The following CDH12 variants were observed in gnomAD, a reference collection of about 807,000 sequenced individuals.
The protein encoded by CDH12 is cadherin 12.
In CDH12, 41 loss-of-function variants were observed where a neutral mutation model predicts 74.1. That is an observed-to-expected ratio of 0.55 (90% CI 0.43 to 0.72). The LOEUF (loss-of-function observed/expected upper bound fraction) is 0.72, where lower values mean the gene tolerates loss of function less well. Among genes scored for constraint, CDH12 ranks in the 30% least tolerant of loss-of-function variants. CDH12 has a pLI of 0.00. For missense variants in CDH12, 945 were observed against 977.2 expected, an observed-to-expected ratio of 0.97 and a Z score of 0.44; for synonymous variants, 399 against 355.0, an observed-to-expected ratio of 1.12 and a Z score of -1.39.
Position 22,382,332 on chromosome 5 carries a change from T to C in CDH12, c.-333+22925A>G, listed in dbSNP as rs974481275. Among the ~76,000 whole-genome samples the C allele has an allele frequency of 2.1e-4, 32 of 150,064 alleles. 1 individual carries two copies. Among genetic ancestry groups the C allele is most frequent in the Non-Finnish European group, 1.3e-4 (9 of 67,684 alleles). The stretch of plus-strand genomic sequence containing the variant: ...ATGTCTACATACATATAGAAAAATA[T>C]ATACATATATTTCTCTTGCTATATA... On this transcript the variant is annotated intron_variant, in intron 3 of 14. Transcript: ENST00000382254.
chr5:22,832,359 G>C (rs1432727610), intron 1 of CDH12, among the ~76,000 whole-genome samples: 1 of 152,152 alleles, frequency 6.6e-6, no homozygotes, highest in Non-Finnish European at 1.5e-5. Flanking sequence ...GGGAGGATGG[G>C]AGTAACGGTG....
At chr5:22,193,280 T>A (rs1296195186) in intron 4 of CDH12, among the ~76,000 whole-genome samples, 1 of 152,206 alleles carries the variant, frequency 6.6e-6, no homozygotes, top group African/African-American at 2.4e-5. Flanking sequence ...TTTCTAGGAG[T>A]AAACATGTTC....
intron 3 of CDH12, among the ~76,000 whole-genome samples, chr5:22,399,606 G>T (rs1742626119): frequency 6.6e-6 from 1 of 152,056 alleles, no homozygotes; most frequent in Admixed American, 6.6e-5. Flanking sequence ...CAATGAAAAA[G>T]GTAATTCCTG....
chr5:22,287,444 G>A lies in CDH12; in HGVS notation c.-332-74801C>T, dbSNP rs974994908. Among the ~76,000 whole-genome samples the A allele has an allele frequency of 3.3e-5, 5 of 151,930 alleles. 1 individual carries two copies. The highest frequency in any genetic ancestry group is 3.9e-4 in the East Asian group (2 of 5,180). On this transcript the variant is annotated intron_variant, in intron 3 of 14. Coordinates refer to ENST00000382254, the MANE Select transcript of CDH12 (RefSeq NM_004061.5). The stretch of plus-strand genomic sequence containing the variant: ...ATTAATTTAATAAAATGTATAACAG[G>A]CTGGGCGCGGTGGCTCACGCCTGTA...
intron 6 of CDH12, among the ~76,000 whole-genome samples, chr5:21,939,675 A>G (rs1286252268): frequency 6.6e-6 from 1 of 152,188 alleles, no homozygotes; most frequent in Non-Finnish European, 1.5e-5. Flanking sequence ...TAGTCATTAT[A>G]TGGATAGTCA....
At chr5:22,225,538 T>C (rs1752165934) in intron 3 of CDH12, among the ~76,000 whole-genome samples, 1 of 152,134 alleles carries the variant, frequency 6.6e-6, no homozygotes. Context: ...TCCTACTGTT[T>C]TTCAGAGAAA....
intron 10 of CDH12, among the ~76,000 whole-genome samples, chr5:21,784,042 T>G (rs1561181787): frequency 6.6e-6 from 1 of 152,214 alleles, no homozygotes; most frequent in Non-Finnish European, 1.5e-5. Flanking sequence ...TATTTTGTTA[T>G]GTATTTTGTT....
intron 1 of CDH12, among the ~76,000 whole-genome samples, chr5:22,617,838 G>C (rs1737765595): frequency 1.3e-5 from 2 of 152,040 alleles, no homozygotes; most frequent in Non-Finnish European, 2.9e-5. Flanking sequence ...AAAGACTTCT[G>C]CTGCCCAATG....
chr5:22,604,072 G>A (rs568129191), intron 1 of CDH12, among the ~76,000 whole-genome samples: 24 of 152,316 alleles, frequency 1.6e-4, no homozygotes, highest in South Asian at 1.2e-3. Context: ...CTATAGCAAT[G>A]AGATGGAAGG....
intron 6 of CDH12, chr5:21,884,086 C>T: frequency 2.1e-6 from 3 of 1,427,864 alleles, no homozygotes; most frequent in South Asian, 2.3e-5. Context: ...CAAAATTCCT[C>T]AGAAGTTGGT....
intron 1 of CDH12, among the ~76,000 whole-genome samples, chr5:22,815,513 T>C (rs1749344052): frequency 6.6e-6 from 1 of 151,996 alleles, no homozygotes; most frequent in Non-Finnish European, 1.5e-5. Flanking sequence ...CTCACACCTG[T>C]AATCCCAGCA....
At chr5:22,529,194 G>T (rs879841353) in intron 1 of CDH12, among the ~76,000 whole-genome samples, 6,761 of 60,480 alleles carry the variant, frequency 0.11, 277 homozygotes, top group African/African-American at 0.19. Context: ...TATATAGAGA[G>T]AGAGAGAGAG....
At chr5:22,776,079 T>C (rs2218291) in intron 1 of CDH12, among the ~76,000 whole-genome samples, 130,871 of 152,102 alleles carry the variant, frequency 0.86, 56,413 homozygotes, top group East Asian at 0.99. Flanking sequence ...TCTTTTGCTT[T>C]CCAGTCTCAG....
chr5:22,263,006 C>T (rs890018058), intron 3 of CDH12, among the ~76,000 whole-genome samples: 18 of 151,588 alleles, frequency 1.2e-4, no homozygotes, highest in Middle Eastern at 3.2e-3. Context: ...AAACAAACAA[C>T]CCCATCAAAA....
chr5:21,776,977 C>G (rs760208571), intron 11 of CDH12, among the ~76,000 whole-genome samples: 1 of 152,054 alleles, frequency 6.6e-6, no homozygotes. Flanking sequence ...TTCAAAAAGT[C>G]TGGTATATTA....
chr5:21,880,698 CTCCTTCCT>C (rs1249716792), intron 6 of CDH12, among the ~76,000 whole-genome samples: 2 of 104,840 alleles, frequency 1.9e-5, no homozygotes, highest in Non-Finnish European at 3.8e-5. Flanking sequence ...TTTCTCTTTT[CTCCTTCCT>C]TCCTTCCTTT....
At chr5:22,575,692 G>T (rs2126773381) in intron 1 of CDH12, among the ~76,000 whole-genome samples, 1 of 151,876 alleles carries the variant, frequency 6.6e-6, no homozygotes, top group South Asian at 2.1e-4. Flanking sequence ...AGCCTCCCAA[G>T]TAGCTGGGAT....
chr5:22,817,846 G>A (rs1448385156), intron 1 of CDH12, among the ~76,000 whole-genome samples: 1 of 152,244 alleles, frequency 6.6e-6, no homozygotes, highest in Non-Finnish European at 1.5e-5. Context: ...TTTCAAAGAA[G>A]AATTGTAAAG....
intron 3 of CDH12, among the ~76,000 whole-genome samples, chr5:22,346,305 T>G (rs935478471): frequency 7.9e-5 from 12 of 152,132 alleles, no homozygotes; most frequent in African/African-American, 2.7e-4. Flanking sequence ...TTTTGAAAAA[T>G]CCTATCATTC....
Sources: gnomAD v4.1 joint callset for allele counts (sites outside exome capture counted in the v4.1 genomes callset) on GRCh38, gnomAD v4.1.1 for gene constraint, MANE v1.5 for transcripts, NCBI Gene and HGNC (gene_info 2026-07-23, HGNC 2026-07-21) for gene names.